STAG1: variants seen among roughly 807,000 people sequenced by gnomAD.
STAG1 encodes STAG1 cohesin complex component.
STAG1 carries 26 observed loss-of-function variants against 170.9 expected under a neutral mutation model. That is an observed-to-expected ratio of 0.15 (90% CI 0.11 to 0.21). STAG1 has a LOEUF of 0.21. Among genes scored for constraint, STAG1 ranks in the 10% least tolerant of loss-of-function variants. The probability of loss-of-function intolerance (pLI) is 1.00; values close to 1 mark genes in which losing one functional copy is unlikely to be tolerated. For missense variants in STAG1, 964 were observed against 1,509.5 expected (o/e 0.64, Z 5.99); for synonymous variants, 514 against 497.7 (o/e 1.03, Z -0.44).
intron 3 of STAG1, among the ~76,000 whole-genome samples, chr3:136,620,916 CTTCTT>C (rs1467425072): frequency 1.3e-5 from 2 of 152,114 alleles, no homozygotes; most frequent in African/African-American, 2.4e-5. Flanking sequence ...GGTACACAGA[CTTCTT>C]TTCATCAAAA....
chr3:136,604,034 C>CA (rs111626210), intron 4 of STAG1, among the ~76,000 whole-genome samples: 1,613 of 148,828 alleles, frequency 0.011, 29 homozygotes, highest in African/African-American at 0.037. Context: ...AAATCAGATT[C>CA]AAAAAAAAAA....
At chr3:136,365,408 T>A (rs1937037535) in intron 25 of STAG1, among the ~76,000 whole-genome samples, 1 of 152,074 alleles carries the variant, frequency 6.6e-6, no homozygotes, top group South Asian at 2.1e-4. Flanking sequence ...TTTGTGCTCT[T>A]TAAGAAATGG....
intron 13 of STAG1, among the ~76,000 whole-genome samples, chr3:136,455,538 C>T (rs2089085072): frequency 6.6e-6 from 1 of 152,178 alleles, no homozygotes; most frequent in African/African-American, 2.4e-5. Flanking sequence ...GCCTGGAGGC[C>T]AGAAACACCT....
intron 3 of STAG1, among the ~76,000 whole-genome samples, chr3:136,606,773 C>A (rs1286810019): frequency 3.5e-5 from 4 of 114,070 alleles, no homozygotes; most frequent in Non-Finnish European, 3.8e-5. Context: ...TTTTTGGGGA[C>A]GAAGTTAACT....
intron 1 of STAG1, among the ~76,000 whole-genome samples, chr3:136,724,237 CTT>C (rs1159358301): frequency 5.9e-5 from 9 of 151,766 alleles, no homozygotes; most frequent in Non-Finnish European, 7.4e-5. Context: ...ACACGGGAGA[CTT>C]TTCATTTTGT....
At chr3:136,702,072 CGA>C (rs1491385306) in intron 1 of STAG1, among the ~76,000 whole-genome samples, 1 of 82,424 alleles carries the variant, frequency 1.2e-5, no homozygotes, top group Middle Eastern at 7.7e-3. Flanking sequence ...ACCACCATGC[CGA>C]AAGAGAGAGA....
chr3:136,590,995 T>G (rs753862554), intron 4 of STAG1, among the ~76,000 whole-genome samples: 8 of 147,850 alleles, frequency 5.4e-5, no homozygotes, highest in South Asian at 2.1e-4. Flanking sequence ...TGTTGTTTTG[T>G]TTTTTTTTGC....
At chr3:136,448,501 C>G (rs1266366704) in intron 14 of STAG1, among the ~76,000 whole-genome samples, 1 of 152,152 alleles carries the variant, frequency 6.6e-6, no homozygotes, top group Non-Finnish European at 1.5e-5. Flanking sequence ...GACTTACTAC[C>G]ATGAGAACCA....
At chr3:136,514,364 A>G (rs984394205) in intron 7 of STAG1, among the ~76,000 whole-genome samples, 2 of 152,226 alleles carry the variant, frequency 1.3e-5, no homozygotes, top group Admixed American at 1.3e-4. Flanking sequence ...ACAGTAAGAT[A>G]CCATCTCACA....
At chr3:136,727,101 C>T (rs966759756) in intron 1 of STAG1, among the ~76,000 whole-genome samples, 1 of 152,102 alleles carries the variant, frequency 6.6e-6, no homozygotes, top group Non-Finnish European at 1.5e-5. Flanking sequence ...CATTTATTCC[C>T]TTCATAGACA....
intron 1 of STAG1, among the ~76,000 whole-genome samples, chr3:136,712,465 T>C (rs1943411098): frequency 6.6e-6 from 1 of 152,128 alleles, no homozygotes; most frequent in Non-Finnish European, 1.5e-5. Context: ...AAAATATGCA[T>C]TAATTAAAAA....
intron 29 of STAG1, 137 bp from the exon 30 acceptor site, chr3:136,344,143 A>G (rs1456435782): frequency 8.6e-6 from 5 of 578,662 alleles, no homozygotes; most frequent in Non-Finnish European, 1.4e-5. Flanking sequence ...ACTTACTTAC[A>G]TGACTTTGTG....
chr3:136,475,480 C>G (rs1182774896), intron 10 of STAG1, among the ~76,000 whole-genome samples: 1 of 152,144 alleles, frequency 6.6e-6, no homozygotes, highest in Non-Finnish European at 1.5e-5. Context: ...AACCTCGCAA[C>G]ATCACCAGCA....
intron 1 of STAG1, among the ~76,000 whole-genome samples, chr3:136,646,850 T>G (rs772446072): frequency 6.6e-6 from 1 of 151,880 alleles, no homozygotes; most frequent in Non-Finnish European, 1.5e-5. Context: ...AGGTGGAGGT[T>G]GCAGTGAGCC....
intron 13 of STAG1, among the ~76,000 whole-genome samples, chr3:136,460,586 C>T (rs1296446257): frequency 6.6e-6 from 1 of 151,824 alleles, no homozygotes; most frequent in Admixed American, 6.6e-5. Flanking sequence ...AGGACAACAA[C>T]AGCAAAACTC....
chr3:136,444,096 T>C (rs1559804657), intron 14 of STAG1, among the ~76,000 whole-genome samples: 2 of 151,984 alleles, frequency 1.3e-5, no homozygotes, highest in African/African-American at 4.8e-5. Flanking sequence ...TTTTTTGAGA[T>C]GGAGTCTTGC....
intron 7 of STAG1, among the ~76,000 whole-genome samples, chr3:136,519,205 T>C (rs1029309195): frequency 2.6e-5 from 4 of 152,120 alleles, no homozygotes; most frequent in African/African-American, 7.2e-5. Context: ...ATTTCTATAA[T>C]ATAGCACTCC....
intron 30 of STAG1, 65 bp from the exon 31 acceptor site, chr3:136,341,616 G>T: frequency 9.5e-7 from 1 of 1,047,132 alleles, no homozygotes. Flanking sequence ...TGAGCCCCAA[G>T]CTAAGAAAGC....
intron 21 of STAG1, among the ~76,000 whole-genome samples, chr3:136,402,204 T>A (rs983903503): frequency 6.6e-6 from 1 of 152,082 alleles, no homozygotes; most frequent in East Asian, 1.9e-4. Flanking sequence ...GAGCTGATTT[T>A]ATTTTTTTAA....
Sources: gnomAD v4.1 joint callset for allele counts (sites outside exome capture counted in the v4.1 genomes callset) on GRCh38, gnomAD v4.1.1 for gene constraint, MANE v1.5 for transcripts, NCBI Gene and HGNC (gene_info 2026-07-23, HGNC 2026-07-21) for gene names.